NCBP3: variants seen among roughly 807,000 people sequenced by gnomAD.
NCBP3 encodes the protein nuclear cap binding subunit 3.
A neutral mutation model predicts 75.7 loss-of-function variants in NCBP3; 20 were observed. That is an observed-to-expected ratio of 0.26 (90% CI 0.19 to 0.38). NCBP3 has a LOEUF of 0.38. Among genes scored for constraint, NCBP3 ranks in the 10% least tolerant of loss-of-function variants. NCBP3 has a pLI of 1.00. For synonymous variants in NCBP3, 293 were observed against 290.5 expected (o/e 1.01, Z -0.09); for missense variants, 678 against 796.9 (o/e 0.85, Z 1.80).
rs567822204 is a variant in NCBP3, at chr17:3,825,692, T to C, written c.687+75A>G. 12 of 1,097,786 alleles carry C rather than the reference T, an allele frequency of 1.1e-5. No homozygotes were observed. The Admixed American group carries it at 2.1e-4, about 19-fold the overall frequency. The allele number at this position is 1,097,786 out of a possible 1,614,324, so 68.0% of individuals were successfully genotyped here. A position where few individuals can be genotyped will look rare whatever the true frequency, so the allele number is the denominator to read the frequency against. Reference sequence around the variant, plus strand: ...GCTAGAGAAAAAACGTAACTAAGTCTTTAAGGCTTAAGTTAAAAAGACAGT... The same window carrying C: ...GCTAGAGAAAAAACGTAACTAAGTCCTTAAGGCTTAAGTTAAAAAGACAGT... On this transcript the variant is annotated intron_variant, in intron 6 of 12. Coordinates refer to ENST00000389005, the MANE Select transcript of NCBP3 (RefSeq NM_001114118.3).
chr17:3,844,093 G>A (rs1322620668), intron 1 of NCBP3, among the ~76,000 whole-genome samples: 4 of 152,092 alleles, frequency 2.6e-5, no homozygotes, highest in Non-Finnish European at 2.9e-5. Flanking sequence ...CAGTCTGAAC[G>A]AATTCCTCAT....
intron 2 of NCBP3, among the ~76,000 whole-genome samples, chr17:3,842,492 A>C (rs1322916672): frequency 6.6e-6 from 1 of 152,190 alleles, no homozygotes; most frequent in Non-Finnish European, 1.5e-5. Flanking sequence ...GAAACAGTAC[A>C]CATTTTTTTA....
intron 2 of NCBP3, among the ~76,000 whole-genome samples, chr17:3,840,960 G>A (rs2054052858): frequency 6.6e-6 from 1 of 152,116 alleles, no homozygotes; most frequent in South Asian, 2.1e-4. Context: ...GTTTCTGATG[G>A]CTCTTAGGAA....
In NCBP3 at chr17:3,831,579, A is replaced by C. The variant is rs1352978645; in HGVS notation, c.356-2211T>G. Among the ~76,000 whole-genome samples, 3 of 120,600 alleles carry C rather than the reference A, an allele frequency of 2.5e-5. 1 individual carries two copies. The highest frequency in any genetic ancestry group is 5.0e-5 in the African/African-American group (2 of 39,764). 79.1% of individuals were successfully genotyped at this position (120,600 alleles called of 152,430 possible). ...GGAGCAAGACTCTGTCTCAAAAAAA[A>C]AGGGAAAGAAAAAGTAAATTTAAAA... On this transcript the variant is annotated intron_variant, in intron 3 of 12. Coordinates refer to ENST00000389005, the MANE Select transcript of NCBP3 (RefSeq NM_001114118.3).
chr17:3,815,844 G>A (rs995110765), intron 11 of NCBP3, among the ~76,000 whole-genome samples: 2 of 152,192 alleles, frequency 1.3e-5, no homozygotes, highest in African/African-American at 4.8e-5. Flanking sequence ...GGTATCTGTA[G>A]GGGGCGGGGA....
At chr17:3,838,835 C>T (rs1222265764) in intron 3 of NCBP3, among the ~76,000 whole-genome samples, 1 of 152,192 alleles carries the variant, frequency 6.6e-6, no homozygotes, top group Non-Finnish European at 1.5e-5. Flanking sequence ...ATATAATGTG[C>T]TTAACGAGTC....
chr17:3,826,556 A>C (rs1226005913), intron 4 of NCBP3, among the ~76,000 whole-genome samples: 1 of 151,966 alleles, frequency 6.6e-6, no homozygotes, highest in African/African-American at 2.4e-5. Flanking sequence ...GATTGAGCCT[A>C]GGATATTGAG....
intron 3 of NCBP3, among the ~76,000 whole-genome samples, chr17:3,830,223 A>G (rs1001302607): frequency 6.6e-6 from 1 of 152,182 alleles, no homozygotes; most frequent in African/African-American, 2.4e-5. Context: ...AAACACATAC[A>G]TGTGGGCTCA....
intron 9 of NCBP3, among the ~76,000 whole-genome samples, chr17:3,819,572 A>G (rs910039351): frequency 2.6e-5 from 4 of 152,008 alleles, no homozygotes; most frequent in African/African-American, 9.7e-5. Flanking sequence ...AAAAAAAAAA[A>G]AGAGAGAAAC....
chr17:3,840,020 G>A, intron 3 of NCBP3, 80 bp downstream of exon 3: 1 of 1,122,742 alleles, frequency 8.9e-7, no homozygotes, highest in Non-Finnish European at 1.3e-6. Context: ...CGCAAGGCAA[G>A]GCCAGAAGCA....
At chr17:3,831,509 C>G (rs79816813) in intron 3 of NCBP3, among the ~76,000 whole-genome samples, 24,215 of 108,164 alleles carry the variant, frequency 0.22, 4,622 homozygotes, top group East Asian at 0.41. Flanking sequence ...GGAGGCGGAG[C>G]TTGCAGTGAG....
In NCBP3 at chr17:3,825,053, T is replaced by G. The variant is rs758428972; in HGVS notation, c.688-3A>C. The G allele has an allele frequency of 6.8e-7, 1 of 1,466,338 alleles. No homozygotes were observed. The highest frequency in any genetic ancestry group is 1.3e-5 in the South Asian group (1 of 77,050). The allele number at this position is 1,466,338 out of a possible 1,614,324, so 90.8% of individuals were successfully genotyped here. A position where few individuals can be genotyped will look rare whatever the true frequency, so the allele number is the denominator to read the frequency against. On this transcript the variant is annotated splice_region_variant and splice_polypyrimidine_tract_variant and intron_variant, in intron 6 of 12. Coordinates refer to ENST00000389005, the MANE Select transcript of NCBP3 (RefSeq NM_001114118.3). ...TCTACCTGAGACAACGTATCCAACTTAAGAAAGAAGAGTATTTTTAATATA... is the reference window on the plus strand; with the variant it reads ...TCTACCTGAGACAACGTATCCAACTGAAGAAAGAAGAGTATTTTTAATATA...
chr17:3,813,557 C>T (rs565419071), intron 12 of NCBP3, among the ~76,000 whole-genome samples: 65 of 152,310 alleles, frequency 4.3e-4, no homozygotes, highest in African/African-American at 1.5e-3. Flanking sequence ...ACCTGAGAGG[C>T]CGTTTCCTCC....
Position 3,831,966 on chromosome 17 carries a change from T to C in NCBP3, c.356-2598A>G, listed in dbSNP as rs181669633. On this transcript the variant is annotated intron_variant, in intron 3 of 12. Transcript: ENST00000389005. The stretch of plus-strand genomic sequence containing the variant: ...TGGGAGGCCAAGGCGGGTGGATCAC[T>C]TGATGTCAGGAGTTCGAGATCAGCC... Among the ~76,000 whole-genome samples the C allele has an allele frequency of 1.4e-4, 16 of 117,606 alleles. 1 individual carries two copies. The highest frequency in any genetic ancestry group is 3.6e-4 in the African/African-American group (14 of 39,264). 77.2% of individuals were successfully genotyped at this position (117,606 alleles called of 152,430 possible).
In NCBP3 at chr17:3,809,682, CACA is replaced by C. The variant is rs1272798940; in HGVS notation, c.*3359_*3361del. On this transcript the variant is annotated 3_prime_UTR_variant, in exon 13 of 13. Coordinates refer to ENST00000389005, the MANE Select transcript of NCBP3 (RefSeq NM_001114118.3). ...GATCGTGCCATTGCACTCCAGCCTG[CACA>C]ACAAGAGCGAAACTGTGTCTCAAAA... 1.3e-5 allele frequency: 2 copies of C among 151,920 alleles called. No individual in the cohort carries two copies. Among genetic ancestry groups the C allele is most frequent in the African/African-American group, 2.4e-5 (1 of 41,320 alleles). 9.4% of individuals were successfully genotyped at this position (151,920 alleles called of 1,614,324 possible).
chr17:3,836,404 C>G (rs1247184742), intron 3 of NCBP3, among the ~76,000 whole-genome samples: 1 of 152,136 alleles, frequency 6.6e-6, no homozygotes, highest in Non-Finnish European at 1.5e-5. Context: ...CCTGTAATCC[C>G]AGCACTTTGG....
chr17:3,836,514 G>C (rs1303059090), intron 3 of NCBP3, among the ~76,000 whole-genome samples: 1 of 151,808 alleles, frequency 6.6e-6, no homozygotes, highest in Non-Finnish European at 1.5e-5. Flanking sequence ...TTGGCTGGCC[G>C]TGGTGGCAGG....
chr17:3,836,315 T>C (rs1016402000), intron 3 of NCBP3, among the ~76,000 whole-genome samples: 2 of 152,164 alleles, frequency 1.3e-5, no homozygotes, highest in African/African-American at 4.8e-5. Context: ...AGCGCCACTC[T>C]ATGGACTGTA....
Position 3,803,805 on chromosome 17 carries a change from G to GTGGC in NCBP3, c.*9235_*9238dup, listed in dbSNP as rs2053304346. The GTGGC allele has an allele frequency of 6.6e-6, 1 of 152,266 alleles. No homozygotes were observed. Among genetic ancestry groups the GTGGC allele is most frequent in the African/African-American group, 2.4e-5 (1 of 41,464 alleles). The allele number at this position is 152,266 out of a possible 1,614,324, so 9.4% of individuals were successfully genotyped here. Reference sequence around the variant, plus strand: ...AAAATGGGCAGGTGGGCCAGGCGCGGTGGCTCACGCCTGTAATCCCAGCAC... The same window carrying GTGGC: ...AAAATGGGCAGGTGGGCCAGGCGCGGTGGCTGGCTCACGCCTGTAATCCCAGCAC... On this transcript the variant is annotated 3_prime_UTR_variant, in exon 13 of 13. Transcript: ENST00000389005.
Sources: gnomAD v4.1 joint callset for allele counts (sites outside exome capture counted in the v4.1 genomes callset) on GRCh38, gnomAD v4.1.1 for gene constraint, MANE v1.5 for transcripts, NCBI Gene and HGNC (gene_info 2026-07-23, HGNC 2026-07-21) for gene names.